The following FBXO36 variants were observed in gnomAD, a reference collection of about 807,000 sequenced individuals.
The protein encoded by FBXO36 is F-box only protein 36.
FBXO36 carries 18 observed loss-of-function variants against 17.0 expected under a neutral mutation model. The observed-to-expected ratio is 1.06, with a 90% CI of 0.73 to 1.57. The LOEUF (loss-of-function observed/expected upper bound fraction) is 1.57, where lower values mean the gene tolerates loss of function less well. Among genes scored for constraint, FBXO36 ranks in the 40% most tolerant of loss-of-function variants. FBXO36 has a pLI of 0.00. For missense variants in FBXO36, 229 were observed against 221.9 expected (o/e 1.03, Z -0.20); for synonymous variants, 83 against 85.3 (o/e 0.97, Z 0.15).
At chr2:229,944,879 C>T (rs1368918818) in intron 1 of FBXO36, among the ~76,000 whole-genome samples, 1 of 152,090 alleles carries the variant, frequency 6.6e-6, no homozygotes, top group Non-Finnish European at 1.5e-5. Flanking sequence ...AGGCGTGAGC[C>T]ACCACACCCA....
At chr2:229,954,636 C>G (rs957863569) in intron 1 of FBXO36, among the ~76,000 whole-genome samples, 1 of 150,480 alleles carries the variant, frequency 6.6e-6, no homozygotes, top group Non-Finnish European at 1.5e-5. Flanking sequence ...CAAGCTCCCC[C>G]TCCCAGGTTC....
At chr2:229,947,199 T>A (rs2077031682) in intron 1 of FBXO36, among the ~76,000 whole-genome samples, 1 of 151,964 alleles carries the variant, frequency 6.6e-6, no homozygotes, top group African/African-American at 2.4e-5. Context: ...AAGAAGCAAG[T>A]ATAGAATACA....
In FBXO36 at chr2:229,926,228, G is replaced by A. The variant is rs557593019; in HGVS notation, c.96+3619G>A. On this transcript the variant is annotated intron_variant, in intron 1 of 3. Coordinates refer to ENST00000283946, the MANE Select transcript of FBXO36 (RefSeq NM_174899.5). Reference sequence around the variant, plus strand: ...GCAGATCACTTGAGGCCATGAGCTCGAGACCAGCCTGGCCAACATGGCAAA... The same window carrying A: ...GCAGATCACTTGAGGCCATGAGCTCAAGACCAGCCTGGCCAACATGGCAAA... Among the ~76,000 whole-genome samples, 8 of 151,168 alleles carry A rather than the reference G, an allele frequency of 5.3e-5. No individual in the cohort carries two copies. The South Asian group carries it at 6.3e-4, about 12-fold the overall frequency.
intron 1 of FBXO36, among the ~76,000 whole-genome samples, chr2:229,957,140 G>C (rs2077092556): frequency 6.6e-6 from 1 of 152,142 alleles, no homozygotes; most frequent in Admixed American, 6.6e-5. Flanking sequence ...AAACACAAGT[G>C]CTTTAGTGGA....
intron 1 of FBXO36, among the ~76,000 whole-genome samples, chr2:229,953,125 G>A (rs890083324): frequency 4.6e-5 from 7 of 152,100 alleles, no homozygotes; most frequent in African/African-American, 1.7e-4. Context: ...ATCACCTGAG[G>A]TCTGGAGTTC....
chr2:230,003,504 G>T (rs1029780488), intron 3 of FBXO36, among the ~76,000 whole-genome samples: 1 of 149,924 alleles, frequency 6.7e-6, no homozygotes, highest in African/African-American at 2.4e-5. Flanking sequence ...TGTGTTTGTT[G>T]TATCAAAAGG....
chr2:229,988,111 TGTTTAATTTACAGGTA>T (rs1268454500), intron 2 of FBXO36, among the ~76,000 whole-genome samples: 1 of 152,244 alleles, frequency 6.6e-6, no homozygotes, highest in Non-Finnish European at 1.5e-5. Context: ...AGAAACATAT[TGTTTAATTTACAGGTA>T]GTTGGAGATT....
intron 1 of FBXO36, among the ~76,000 whole-genome samples, chr2:229,943,783 A>G (rs2077012453): frequency 6.6e-6 from 1 of 152,200 alleles, no homozygotes; most frequent in Non-Finnish European, 1.5e-5. Flanking sequence ...AAGACAGAGT[A>G]GCAGTGTCTG....
chr2:229,989,277 G>C lies in FBXO36; in HGVS notation c.206-7474G>C, dbSNP rs553842936. Reference sequence around the variant, plus strand: ...TATTTTTATTTATTTATTTTTTTGAGATGGAGTTTAGCTCTTGTTGCCTAG... The same window carrying C: ...TATTTTTATTTATTTATTTTTTTGACATGGAGTTTAGCTCTTGTTGCCTAG... On this transcript the variant is annotated intron_variant, in intron 2 of 3. Transcript: ENST00000283946. 3.9e-5 allele frequency among the ~76,000 whole-genome samples: 6 copies of C among 151,984 alleles called. No individual in the cohort carries two copies. The South Asian group carries it at 1.2e-3, about 32-fold the overall frequency.
intron 1 of FBXO36, among the ~76,000 whole-genome samples, chr2:229,953,199 C>T (rs1577337988): frequency 1.3e-5 from 2 of 151,726 alleles, no homozygotes; most frequent in South Asian, 2.1e-4. Context: ...ATTAGCTGGA[C>T]GTGGTGGTAG....
intron 1 of FBXO36, among the ~76,000 whole-genome samples, chr2:229,954,073 A>G (rs1055806134): frequency 1.3e-5 from 2 of 151,856 alleles, no homozygotes; most frequent in Admixed American, 6.6e-5. Context: ...TTTACTGCCC[A>G]GGCTGCTTTC....
intron 1 of FBXO36, among the ~76,000 whole-genome samples, chr2:229,940,385 G>A (rs1426317423): frequency 6.6e-6 from 1 of 152,114 alleles, no homozygotes; most frequent in Non-Finnish European, 1.5e-5. Context: ...TAATAGTACC[G>A]CGGTGAGGAG....
chr2:229,974,946 G>A (rs1284840512), intron 1 of FBXO36, among the ~76,000 whole-genome samples: 3 of 152,028 alleles, frequency 2.0e-5, no homozygotes, highest in East Asian at 1.9e-4. Flanking sequence ...AGCCTTCATC[G>A]AAATGCAGAC....
intron 3 of FBXO36, among the ~76,000 whole-genome samples, chr2:230,007,608 C>CT (rs60580728): frequency 4.6e-4 from 67 of 146,336 alleles, no homozygotes; most frequent in East Asian, 7.9e-4. Flanking sequence ...CAACAATTTT[C>CT]TTTTTTTTTT....
intron 1 of FBXO36, chr2:229,945,076 CTA>C (rs535228467): frequency 8.5e-5 from 13 of 152,060 alleles, no homozygotes; most frequent in Non-Finnish European, 1.3e-4. Context: ...TGATTTATGA[CTA>C]TTCTGTTTTA....
At chr2:229,933,978 G>A (rs542141745) in intron 1 of FBXO36, among the ~76,000 whole-genome samples, 3 of 151,900 alleles carry the variant, frequency 2.0e-5, no homozygotes, top group Non-Finnish European at 4.4e-5. Context: ...GAGTCACCGT[G>A]CCCAGCCCCC....
intron 2 of FBXO36, among the ~76,000 whole-genome samples, chr2:229,981,013 A>G (rs1269080651): frequency 2.0e-5 from 3 of 152,174 alleles, no homozygotes; most frequent in Non-Finnish European, 1.5e-5. Context: ...CTCTGTCTTC[A>G]GAGGAAGGAG....
Position 229,976,332 on chromosome 2 carries a change from A to G in FBXO36, c.188A>G (p.Glu63Gly), listed in dbSNP as rs773938730. 6.2e-7 allele frequency: 1 copy of G among 1,612,484 alleles called. No homozygotes were observed. The highest frequency in any genetic ancestry group is 8.5e-7 in the Non-Finnish European group (1 of 1,178,574). Reference sequence around the variant, plus strand: ...AAAGAAACCCATGAAGACTTCCTAGAGAATTCACATCTTCAAGGTAAGGAA... The same window carrying G: ...AAAGAAACCCATGAAGACTTCCTAGGGAATTCACATCTTCAAGGTAAGGAA... ...EAKETHEDFL[E>G]NSHLQGQTAL... Residue 63 changes from glutamate to glycine, a missense_variant, in exon 2 of 4, where the codon GAG becomes GGG. Physicochemically the swap from Glu to Gly is moderately conservative, Grantham distance 98 (BLOSUM62 -2). Coordinates refer to ENST00000283946, the MANE Select transcript of FBXO36 (RefSeq NM_174899.5).
At chr2:229,969,556 C>CGG (rs1460894287) in intron 1 of FBXO36, among the ~76,000 whole-genome samples, 25 of 152,096 alleles carry the variant, frequency 1.6e-4, no homozygotes, top group African/African-American at 3.9e-4. Context: ...GGCGTGGTGG[C>CGG]ACATGCCTGT....
Sources: allele counts gnomAD v4.1 joint callset (sites outside exome capture counted in the v4.1 genomes callset), GRCh38; gene constraint gnomAD v4.1.1; transcripts MANE v1.5; gene names NCBI Gene and HGNC (gene_info 2026-07-23, HGNC 2026-07-21).